Variants in SPTA1 observed in about 807,000 individuals in gnomAD.
The protein encoded by SPTA1 is spectrin alpha chain, erythrocytic 1.
In SPTA1, 177 loss-of-function variants were observed where a neutral mutation model predicts 324.7. That is an observed-to-expected ratio of 0.55 (90% CI 0.48 to 0.62). The LOEUF is 0.62. SPTA1 is among the 20% of genes least tolerant of loss of function. The pLI is 0.00. For missense variants in SPTA1, 3,162 were observed against 2,883.6 expected, an observed-to-expected ratio of 1.10 and a Z score of -2.21; for synonymous variants, 1,195 against 1,041.3, an observed-to-expected ratio of 1.15 and a Z score of -2.84.
intron 1 of SPTA1, among the ~76,000 whole-genome samples, chr1:158,685,903 C>A (rs1434089496): frequency 6.6e-6 from 1 of 152,152 alleles, no homozygotes; most frequent in Admixed American, 6.6e-5. Flanking sequence ...GTTCAGCTAT[C>A]TTCTGCCCAA....
chr1:158,615,078 TG>T, intron 48 of SPTA1, 137 bp downstream of exon 48: 1 of 871,336 alleles, frequency 1.1e-6, no homozygotes. Context: ...AGTCATTCCG[TG>T]GGGCAGTAAA....
chr1:158,621,926 G>A (rs374920796), intron 43 of SPTA1, among the ~76,000 whole-genome samples: 172 of 152,240 alleles, frequency 1.1e-3, no homozygotes, highest in African/African-American at 3.2e-3. Flanking sequence ...TACAGTGGCC[G>A]CGATCTGGGC....
At chr1:158,656,331 C>T (rs1327853698) in intron 20 of SPTA1, among the ~76,000 whole-genome samples, 1 of 151,848 alleles carries the variant, frequency 6.6e-6, no homozygotes, top group Non-Finnish European at 1.5e-5. Context: ...AAGAGGAAAG[C>T]CAAAAATACA....
Position 158,642,359 on chromosome 1 carries a change from A to T in SPTA1, c.4737+52T>A, listed in dbSNP as rs113984542. 2,641 of 1,585,036 alleles carry T rather than the reference A, an allele frequency of 1.7e-3. 35 individuals are homozygous for T. The African/African-American group carries it at 0.031, about 19-fold the overall frequency. On this transcript the variant is annotated intron_variant, in intron 33 of 51. Coordinates refer to ENST00000643759, the MANE Select transcript of SPTA1 (RefSeq NM_003126.4). ...ATAAATTAAAAAAAAAGAAAGAGTA[A>T]ATGATTCCTCTTCATGTGACTTTGT... is the stretch of plus-strand genomic sequence containing the variant.
In SPTA1 at chr1:158,656,666, T is replaced by G. The variant is rs1557965794; in HGVS notation, c.2806-10A>C. On this transcript the variant is annotated splice_polypyrimidine_tract_variant and intron_variant, in intron 19 of 51. Coordinates refer to ENST00000643759, the MANE Select transcript of SPTA1 (RefSeq NM_003126.4). Reference sequence around the variant, plus strand: ...GCTTCTTTAGAAGAGCCTGCATTTATTGATGGAAGATCATCAGAATGAATA... The same window carrying G: ...GCTTCTTTAGAAGAGCCTGCATTTAGTGATGGAAGATCATCAGAATGAATA... The G allele has an allele frequency of 6.2e-7, 1 of 1,606,566 alleles. No individual in the cohort carries two copies. Among genetic ancestry groups the G allele is most frequent in the Non-Finnish European group, 8.5e-7 (1 of 1,173,864 alleles).
rs767398268 is a variant in SPTA1, at chr1:158,634,603, G to T, written c.5505C>A (p.Ile1835=). The change falls in exon 39 of 52, where the codon ATC becomes ATA. Residue 1835 remains isoleucine (I), a synonymous_variant. Coordinates refer to ENST00000643759, the MANE Select transcript of SPTA1 (RefSeq NM_003126.4). ...GGACAGCCAAAGCATTCTTTTCATT[G>T]ATCCAAGCTTCCTCTTCCTCAGCAT... is the stretch of plus-strand genomic sequence containing the variant. The part of the protein sequence containing the change: ...MQNAEEEEAW[I]NEKNALAVRG... 1.9e-6 allele frequency: 3 copies of T among 1,613,956 alleles called. No homozygotes were observed. Among genetic ancestry groups the T allele is most frequent in the Non-Finnish European group, 2.5e-6 (3 of 1,180,044 alleles).
chr1:158,674,004 C>T (rs534002645), intron 10 of SPTA1, among the ~76,000 whole-genome samples: 37 of 152,234 alleles, frequency 2.4e-4, no homozygotes, highest in Non-Finnish European at 4.9e-4. Flanking sequence ...ATTTACATAG[C>T]ATTTACATTG....
At chr1:158,627,809 C>G in intron 39 of SPTA1, 86 bp from the exon 40 acceptor site, 1 of 1,316,412 alleles carries the variant, frequency 7.6e-7, no homozygotes, top group Admixed American at 1.7e-5. Flanking sequence ...GTCTATTATT[C>G]CCTAGGGTTG....
In SPTA1 at chr1:158,634,585, C is replaced by T. The variant is rs765857707; in HGVS notation, c.5523G>A (p.Leu1841=). 1.2e-6 allele frequency: 2 copies of T among 1,614,136 alleles called. No homozygotes were observed. Among genetic ancestry groups the T allele is most frequent in the East Asian group, 2.2e-5 (1 of 44,874 alleles). ...EEAWINEKNA[L]AVRGDCGDTL... ...TATCTCCACAATCTCCTCGGACAGCCAAAGCATTCTTTTCATTGATCCAAG... is the reference window on the plus strand; with the variant it reads ...TATCTCCACAATCTCCTCGGACAGCTAAAGCATTCTTTTCATTGATCCAAG... Residue 1841 remains leucine (L), a synonymous_variant, in exon 39 of 52, where the codon TTG becomes TTA. Coordinates refer to ENST00000643759, the MANE Select transcript of SPTA1 (RefSeq NM_003126.4).
At chr1:158,638,492 T>C (rs1020010608) in intron 35 of SPTA1, among the ~76,000 whole-genome samples, 3 of 152,090 alleles carry the variant, frequency 2.0e-5, no homozygotes, top group Admixed American at 2.0e-4. Flanking sequence ...CTCCTTCTGA[T>C]ATTTTCAGTA....
At chr1:158,632,106 T>C (rs1295127230) in intron 39 of SPTA1, among the ~76,000 whole-genome samples, 4 of 152,280 alleles carry the variant, frequency 2.6e-5, no homozygotes, top group African/African-American at 9.6e-5. Context: ...TAAAATACCA[T>C]TTATTCTTAA....
rs375096050 is a variant in SPTA1 at position 158,674,604 on chromosome 1, G to A, written c.1184C>T (p.Ala395Val). 2 of 1,613,978 alleles carry A rather than the reference G, an allele frequency of 1.2e-6. No individual in the cohort carries two copies. Among genetic ancestry groups the A allele is most frequent in the African/African-American group, 2.7e-5 (2 of 74,926 alleles). The change falls in exon 9 of 52, where the codon GCT becomes GTT. Residue 395 changes from alanine (A) to valine (V), a missense_variant. By Grantham distance (64) the Ala-to-Val change is moderately conservative. Transcript: ENST00000643759. Reference protein sequence around the residue: ...WMNEKTAAINADELPTDVAGG... With the variant: ...WMNEKTAAINVDELPTDVAGG... ...AGCCACATCTGTTGGCAGCTCATCA[G>A]CATTGATCGCAGCAGTCTTCTCGTT...
chr1:158,645,122 C>G, intron 29 of SPTA1, 66 bp downstream of exon 29: 1 of 1,548,160 alleles, frequency 6.5e-7, no homozygotes, highest in Non-Finnish European at 8.9e-7. Flanking sequence ...CCTGTAATGA[C>G]CATATGAAAT....
In SPTA1 at chr1:158,662,913, T is replaced by C. The variant is rs1359108066; in HGVS notation, c.2253A>G (p.Ala751=). Reference sequence around the variant, plus strand: ...CAGGATGGCCTATTTCTTCAAAATATGCAGCCAGGTCTGTAAGGATATCCA... The same window carrying C: ...CAGGATGGCCTATTTCTTCAAAATACGCAGCCAGGTCTGTAAGGATATCCA... ...DQVDILTDLA[A]YFEEIGHPDS... is the part of the protein sequence containing the mutation. Residue 751 remains alanine, a synonymous_variant, in exon 17 of 52, where the codon GCA becomes GCG. Coordinates refer to ENST00000643759, the MANE Select transcript of SPTA1 (RefSeq NM_003126.4). 1.2e-6 allele frequency: 2 copies of C among 1,614,076 alleles called. No individual in the cohort carries two copies. The highest frequency in any genetic ancestry group is 8.5e-7 in the Non-Finnish European group (1 of 1,179,966).
intron 51 of SPTA1, 40 bp downstream of exon 51, chr1:158,612,777 T>C: frequency 6.2e-7 from 1 of 1,612,756 alleles, no homozygotes; most frequent in Non-Finnish European, 8.5e-7. Flanking sequence ...GAATTCAAAT[T>C]AGGATGACAG....
chr1:158,634,406 A>G, intron 39 of SPTA1, 137 bp downstream of exon 39: 2 of 1,320,210 alleles, frequency 1.5e-6, no homozygotes, highest in Non-Finnish European at 1.1e-6. Flanking sequence ...CGTATTTAAA[A>G]CTGTCAGGAT....
In SPTA1 at chr1:158,617,532, C is replaced by T. The variant is rs1462060431; in HGVS notation, c.6600+5G>A. Reference sequence around the variant, plus strand: ...ATCTTCAGTTAATGAAAAAACAATACTTACTTTATTTGCTTCCAGCTGAGA... The same window carrying T: ...ATCTTCAGTTAATGAAAAAACAATATTTACTTTATTTGCTTCCAGCTGAGA... On this transcript the variant is annotated splice_donor_5th_base_variant and intron_variant, in intron 47 of 51. Transcript: ENST00000643759. 1 of 1,612,646 alleles carries T rather than the reference C, an allele frequency of 6.2e-7. No individual in the cohort carries two copies.
At chr1:158,647,013 C>A (rs1319832942) in intron 27 of SPTA1, among the ~76,000 whole-genome samples, 1 of 152,046 alleles carries the variant, frequency 6.6e-6, no homozygotes, top group Non-Finnish European at 1.5e-5. Context: ...TCCTTACCAC[C>A]CCCTCCCCAA....
At chr1:158,615,117 A>T (rs572070636) in intron 48 of SPTA1, 99 bp downstream of exon 48, 1 of 1,372,214 alleles carries the variant, frequency 7.3e-7, no homozygotes, top group Admixed American at 1.7e-5. Flanking sequence ...CTCTGAAGCA[A>T]CTCTTTTATC....
Sources: allele counts gnomAD v4.1 joint callset (sites outside exome capture counted in the v4.1 genomes callset), GRCh38; gene constraint gnomAD v4.1.1; transcripts MANE v1.5; gene names NCBI Gene and HGNC (gene_info 2026-07-23, HGNC 2026-07-21).